The following ZNF385B variants were observed in gnomAD, a reference collection of about 807,000 sequenced individuals.
The protein encoded by ZNF385B is zinc finger protein 385B.
ZNF385B carries 23 observed loss-of-function variants against 39.2 expected under a neutral mutation model. The observed-to-expected ratio is 0.59, with a 90% CI of 0.42 to 0.83. The LOEUF (loss-of-function observed/expected upper bound fraction) is 0.83, where lower values mean the gene tolerates loss of function less well. Ranked by LOEUF, ZNF385B falls within the 40% of genes least tolerant of loss-of-function variation. The pLI is 0.00. For missense variants in ZNF385B, 552 were observed against 598.9 expected (o/e 0.92, Z 0.82); for synonymous variants, 205 against 222.6 (o/e 0.92, Z 0.70).
chr2:179,581,179 T>C (rs1034637287), intron 3 of ZNF385B, among the ~76,000 whole-genome samples: 1 of 152,220 alleles, frequency 6.6e-6, no homozygotes, highest in South Asian at 2.1e-4. Flanking sequence ...AGCAAAATTA[T>C]GATTACAGAA....
chr2:179,632,968 T>C (rs993825269), intron 3 of ZNF385B, among the ~76,000 whole-genome samples: 2 of 152,166 alleles, frequency 1.3e-5, no homozygotes, highest in African/African-American at 4.8e-5. Flanking sequence ...ATGGATAAAT[T>C]CCTGGACGCA....
chr2:179,643,816 C>A (rs566271604), intron 3 of ZNF385B, among the ~76,000 whole-genome samples: 19 of 152,030 alleles, frequency 1.2e-4, no homozygotes, highest in Admixed American at 2.0e-4. Context: ...GAATCTCTCT[C>A]TATATATATG....
intron 5 of ZNF385B, among the ~76,000 whole-genome samples, chr2:179,484,027 G>A (rs981292977): frequency 6.6e-6 from 1 of 152,074 alleles, no homozygotes; most frequent in Non-Finnish European, 1.5e-5. Context: ...CCACAAAGGA[G>A]GTAGGAAAAA....
At chr2:179,462,443 G>C (rs914094668) in intron 6 of ZNF385B, among the ~76,000 whole-genome samples, 1 of 152,202 alleles carries the variant, frequency 6.6e-6, no homozygotes, top group African/African-American at 2.4e-5. Context: ...AAACTGGTGT[G>C]CTGCAGGAGA....
intron 6 of ZNF385B, among the ~76,000 whole-genome samples, chr2:179,462,610 A>T (rs2051466732): frequency 6.6e-6 from 1 of 152,210 alleles, no homozygotes; most frequent in Non-Finnish European, 1.5e-5. Flanking sequence ...AGGCTGCAAG[A>T]TGAACAAATG....
At chr2:179,558,639 A>T (rs1199718122) in intron 3 of ZNF385B, among the ~76,000 whole-genome samples, 1 of 152,220 alleles carries the variant, frequency 6.6e-6, no homozygotes, top group Non-Finnish European at 1.5e-5. Flanking sequence ...CTTGGGAATA[A>T]ATAGAAACAG....
chr2:179,693,391 A>G (rs1698497879), intron 3 of ZNF385B, among the ~76,000 whole-genome samples: 2 of 152,326 alleles, frequency 1.3e-5, no homozygotes, highest in Admixed American at 1.3e-4. Flanking sequence ...CTGTAACACT[A>G]TTCTCTAAAT....
At chr2:179,624,970 C>T (rs1558996226) in intron 3 of ZNF385B, among the ~76,000 whole-genome samples, 1 of 151,858 alleles carries the variant, frequency 6.6e-6, no homozygotes, top group African/African-American at 2.4e-5. Flanking sequence ...TCTAAATGTT[C>T]AAGTGATATT....
At chr2:179,604,930 G>A (rs1354819684) in intron 3 of ZNF385B, among the ~76,000 whole-genome samples, 1 of 151,970 alleles carries the variant, frequency 6.6e-6, no homozygotes, top group East Asian at 1.9e-4. Flanking sequence ...TTTCAAGCAA[G>A]GTACATAACT....
intron 3 of ZNF385B, among the ~76,000 whole-genome samples, chr2:179,579,684 C>T (rs1165421251): frequency 6.6e-6 from 1 of 152,048 alleles, no homozygotes; most frequent in South Asian, 2.1e-4. Flanking sequence ...TTAAATAACA[C>T]TTTATCCTAA....
At chr2:179,785,528 G>A (rs1017240139) in intron 1 of ZNF385B, among the ~76,000 whole-genome samples, 2 of 152,122 alleles carry the variant, frequency 1.3e-5, no homozygotes, top group Non-Finnish European at 2.9e-5. Context: ...ATTCATAAGA[G>A]GAGCTCAAAA....
At chr2:179,706,331 G>T (rs1028656406) in intron 3 of ZNF385B, among the ~76,000 whole-genome samples, 11 of 152,186 alleles carry the variant, frequency 7.2e-5, no homozygotes, top group African/African-American at 2.7e-4. Flanking sequence ...CCAGCTCACT[G>T]CCACTGGAGT....
intron 5 of ZNF385B, among the ~76,000 whole-genome samples, chr2:179,487,392 C>G (rs1559320398): frequency 6.6e-6 from 1 of 152,242 alleles, no homozygotes; most frequent in Non-Finnish European, 1.5e-5. Context: ...TTCCCATTCT[C>G]CTGTGGTATT....
intron 6 of ZNF385B, among the ~76,000 whole-genome samples, chr2:179,456,576 A>G (rs980118106): frequency 1.3e-5 from 2 of 152,206 alleles, no homozygotes; most frequent in African/African-American, 4.8e-5. Context: ...AAAGTAAAAA[A>G]CTTTATAATA....
chr2:179,649,636 A>G (rs979922871), intron 3 of ZNF385B, among the ~76,000 whole-genome samples: 2 of 152,234 alleles, frequency 1.3e-5, no homozygotes, highest in Non-Finnish European at 2.9e-5. Context: ...TGCAGAATAT[A>G]TCATATAATA....
At chr2:179,503,983 G>A (rs1047624386) in intron 5 of ZNF385B, among the ~76,000 whole-genome samples, 7 of 146,306 alleles carry the variant, frequency 4.8e-5, no homozygotes, top group South Asian at 2.2e-4. Flanking sequence ...CCACTAACTC[G>A]TCATCTAGCA....
chr2:179,589,241 C>T (rs1687354049), intron 3 of ZNF385B, among the ~76,000 whole-genome samples: 1 of 152,204 alleles, frequency 6.6e-6, no homozygotes, highest in African/African-American at 2.4e-5. Flanking sequence ...CATCATTACT[C>T]TCTAGCTGCT....
At chr2:179,722,727 T>C (rs1700771935) in intron 3 of ZNF385B, among the ~76,000 whole-genome samples, 1 of 152,158 alleles carries the variant, frequency 6.6e-6, no homozygotes. Flanking sequence ...TACTTGATTA[T>C]ATTAAAATTA....
rs1159548132 is a variant in ZNF385B at position 179,550,464 on chromosome 2, C to A, written c.299-5495G>T. Among the ~76,000 whole-genome samples, 2 of 149,772 alleles carry A rather than the reference C, an allele frequency of 1.3e-5. 1 individual carries two copies. The highest frequency in any genetic ancestry group is 3.0e-5 in the Non-Finnish European group (2 of 67,644). ...AATCTCTATGCTAATAAAGACAAGG[C>A]TTGAGAACTACTTAGCTGCCACTAC... On this transcript the variant is annotated intron_variant, in intron 3 of 9. Transcript: ENST00000410066.
Sources: allele counts gnomAD v4.1 joint callset (sites outside exome capture counted in the v4.1 genomes callset), GRCh38; gene constraint gnomAD v4.1.1; transcripts MANE v1.5; gene names NCBI Gene and HGNC (gene_info 2026-07-23, HGNC 2026-07-21).